TNPO1: variants seen among roughly 807,000 people sequenced by gnomAD.
TNPO1 encodes transportin-1.
A neutral mutation model predicts 119.5 loss-of-function variants in TNPO1; 8 were observed. The ratio of observed to expected loss-of-function variants is 0.07; its 90% CI spans 0.04 to 0.12. The LOEUF (loss-of-function observed/expected upper bound fraction) is 0.12, where lower values mean the gene tolerates loss of function less well. Among genes scored for constraint, TNPO1 ranks in the 10% least tolerant of loss-of-function variants. TNPO1 has a pLI of 1.00. For missense variants in TNPO1, 576 were observed against 1,089.8 expected, an observed-to-expected ratio of 0.53 and a Z score of 6.64; for synonymous variants, 362 against 363.0, an observed-to-expected ratio of 1.00 and a Z score of 0.03.
chr5:72,830,193 C>T (rs1015668636), intron 1 of TNPO1, among the ~76,000 whole-genome samples: 1 of 152,120 alleles, frequency 6.6e-6, no homozygotes, highest in Admixed American at 6.5e-5. Context: ...TTTGTTTTAA[C>T]CTTACATCCT....
intron 9 of TNPO1, among the ~76,000 whole-genome samples, chr5:72,880,481 TTATTGTC>T (rs898225723): frequency 4.6e-5 from 7 of 152,110 alleles, no homozygotes; most frequent in Non-Finnish European, 8.8e-5. Context: ...CAGTAAACGT[TTATTGTC>T]TATGTTATTA....
chr5:72,901,901 AC>A (rs1561361247), intron 22 of TNPO1, among the ~76,000 whole-genome samples: 1 of 151,954 alleles, frequency 6.6e-6, no homozygotes, highest in African/African-American at 2.4e-5. Flanking sequence ...ACATGGTGAA[AC>A]CCCATCTCTA....
At chr5:72,851,832 CTTAA>C (rs1258771656) in intron 3 of TNPO1, among the ~76,000 whole-genome samples, 7 of 152,176 alleles carry the variant, frequency 4.6e-5, no homozygotes, top group African/African-American at 1.7e-4. Flanking sequence ...TAATAAGTTA[CTTAA>C]TTCTTTGCAG....
At chr5:72,861,972 G>A (rs941557448) in intron 5 of TNPO1, 58 bp downstream of exon 5, 3 of 1,339,188 alleles carry the variant, frequency 2.2e-6, no homozygotes, top group Non-Finnish European at 2.1e-6. Flanking sequence ...GTCATGTTGT[G>A]TATTAGCAGC....
At chr5:72,824,130 T>A (rs1744104283) in intron 1 of TNPO1, among the ~76,000 whole-genome samples, 3 of 152,226 alleles carry the variant, frequency 2.0e-5, no homozygotes, top group African/African-American at 7.2e-5. Context: ...CTGTTCATAT[T>A]CTTGTCTGCC....
chr5:72,853,659 A>ATT (rs33987415), intron 3 of TNPO1, among the ~76,000 whole-genome samples: 70,267 of 148,478 alleles, frequency 0.47, 17,420 homozygotes, highest in Admixed American at 0.59. Flanking sequence ...GTGTTTATGC[A>ATT]TTTTTTTTTT....
chr5:72,845,688 G>T (rs893681826), intron 1 of TNPO1, among the ~76,000 whole-genome samples: 39 of 152,282 alleles, frequency 2.6e-4, no homozygotes, highest in Middle Eastern at 3.4e-3. Context: ...ATCATAGGCT[G>T]ATCAAATTAA....
chr5:72,879,413 T>C (rs1040093500), intron 9 of TNPO1, among the ~76,000 whole-genome samples: 1 of 152,206 alleles, frequency 6.6e-6, no homozygotes, highest in African/African-American at 2.4e-5. Context: ...ACTAATATAA[T>C]CCAAATATTC....
chr5:72,856,799 A>G (rs1746033442), intron 4 of TNPO1, among the ~76,000 whole-genome samples: 1 of 152,190 alleles, frequency 6.6e-6, no homozygotes, highest in Non-Finnish European at 1.5e-5. Flanking sequence ...TAATTATAGT[A>G]ACTCGTATAA....
Position 72,912,497 on chromosome 5 carries a change from T to C in TNPO1, c.*3824T>C, listed in dbSNP as rs1211992619. ...ATTGTTTTTGCTTTGGTGACATGCT[T>C]ATAAAGGGTCATCCTAGTTACATTC... On this transcript the variant is annotated 3_prime_UTR_variant, in exon 25 of 25. Coordinates refer to ENST00000337273, the MANE Select transcript of TNPO1 (RefSeq NM_002270.4). 6.6e-6 allele frequency: 1 copy of C among 152,536 alleles called. No homozygotes were observed. Among genetic ancestry groups the C allele is most frequent in the Admixed American group, 6.6e-5 (1 of 15,264 alleles). The allele number at this position is 152,536 out of a possible 1,614,324, so 9.4% of individuals were successfully genotyped here. A position where few individuals can be genotyped will look rare whatever the true frequency, so the allele number is the denominator to read the frequency against.
rs1208430295 is a variant in TNPO1 at position 72,877,357 on chromosome 5, C to T, written c.920+11C>T. The T allele has an allele frequency of 1.4e-6, 2 of 1,384,668 alleles. No individual in the cohort carries two copies. The highest frequency in any genetic ancestry group is 1.4e-5 in the African/African-American group (1 of 70,086). 85.8% of individuals were successfully genotyped at this position (1,384,668 alleles called of 1,614,324 possible). A position where few individuals can be genotyped will look rare whatever the true frequency, so the allele number is the denominator to read the frequency against. On this transcript the variant is annotated intron_variant, in intron 9 of 24. Coordinates refer to ENST00000337273, the MANE Select transcript of TNPO1 (RefSeq NM_002270.4). Reference sequence around the variant, plus strand: ...AAGGCATCTTCCTAAGTAAGTGTTCCCTCTTATAAATGCTGCCTTGTTCTT... The same window carrying T: ...AAGGCATCTTCCTAAGTAAGTGTTCTCTCTTATAAATGCTGCCTTGTTCTT...
chr5:72,854,797 G>A (rs1042497044), intron 3 of TNPO1, among the ~76,000 whole-genome samples: 2 of 152,076 alleles, frequency 1.3e-5, no homozygotes, highest in East Asian at 1.9e-4. Flanking sequence ...ACTATCTATG[G>A]ATTAAACTTA....
At chr5:72,824,943 C>T (rs1180472208) in intron 1 of TNPO1, among the ~76,000 whole-genome samples, 3 of 152,222 alleles carry the variant, frequency 2.0e-5, no homozygotes, top group Non-Finnish European at 4.4e-5. Flanking sequence ...CAGACTCTCC[C>T]ATTTCTGTCA....
At chr5:72,867,987 T>C (rs1747053568) in intron 6 of TNPO1, among the ~76,000 whole-genome samples, 1 of 151,954 alleles carries the variant, frequency 6.6e-6, no homozygotes, top group South Asian at 2.1e-4. Context: ...GCCTTTATCT[T>C]GTTGTTGTCT....
At chr5:72,867,929 A>T (rs34671) in intron 6 of TNPO1, among the ~76,000 whole-genome samples, 23,711 of 152,140 alleles carry the variant, frequency 0.16, 2,102 homozygotes, top group East Asian at 0.35. Flanking sequence ...TATGGTCTTG[A>T]TAATACTTTG....
At chr5:72,841,944 C>G (rs1428364572) in intron 1 of TNPO1, among the ~76,000 whole-genome samples, 1 of 151,132 alleles carries the variant, frequency 6.6e-6, no homozygotes, top group African/African-American at 2.4e-5. Flanking sequence ...TCACATTCAG[C>G]AAATGATTCA....
intron 16 of TNPO1, 48 bp from the exon 17 acceptor site, chr5:72,893,329 G>GTAGT (rs767659449): frequency 6.2e-7 from 1 of 1,605,352 alleles, no homozygotes; most frequent in South Asian, 1.1e-5. Context: ...GACTTTTTAA[G>GTAGT]TAGTTAATTA....
intron 6 of TNPO1, among the ~76,000 whole-genome samples, chr5:72,868,616 T>G (rs1226657249): frequency 6.6e-6 from 1 of 152,174 alleles, no homozygotes; most frequent in Non-Finnish European, 1.5e-5. Flanking sequence ...CTTAGTTATA[T>G]GCGTGCATAG....
rs114033257 is a variant in TNPO1, at chr5:72,859,740, A to G, written c.356-2068A>G. On this transcript the variant is annotated intron_variant, in intron 4 of 24. Coordinates refer to ENST00000337273, the MANE Select transcript of TNPO1 (RefSeq NM_002270.4). ...TTTGTACAATTACAGGAAGATTTCT[A>G]TAGGATTAATTTGTGTATTTGGCAT... 6.1e-3 allele frequency among the ~76,000 whole-genome samples: 924 copies of G among 152,310 alleles called. 7 individuals carry two copies. The highest frequency in any genetic ancestry group is 0.021 in the African/African-American group (878 of 41,584).
Sources: gnomAD v4.1 joint callset for allele counts (sites outside exome capture counted in the v4.1 genomes callset) on GRCh38, gnomAD v4.1.1 for gene constraint, MANE v1.5 for transcripts, NCBI Gene and HGNC (gene_info 2026-07-23, HGNC 2026-07-21) for gene names.